DLG2: variants seen among roughly 807,000 people sequenced by gnomAD.
The protein encoded by DLG2 is disks large homolog 2.
A neutral mutation model predicts 132.5 loss-of-function variants in DLG2; 45 were observed. The observed-to-expected ratio is 0.34, with a 90% CI of 0.27 to 0.44. DLG2 has a LOEUF of 0.44. Among genes scored for constraint, DLG2 ranks in the 20% least tolerant of loss-of-function variants. The pLI is 1.00. For synonymous variants in DLG2, 424 were observed against 419.6 expected (o/e 1.01, Z -0.13); for missense variants, 1,045 against 1,196.9 (o/e 0.87, Z 1.87).
At chr11:85,422,674 A>T (rs191840228) in intron 3 of DLG2, among the ~76,000 whole-genome samples, 153 of 152,080 alleles carry the variant, frequency 1.0e-3, no homozygotes, top group African/African-American at 3.5e-3. Context: ...TATTTTTAGT[A>T]GAGATGGGGT....
intron 7 of DLG2, among the ~76,000 whole-genome samples, chr11:84,326,620 G>C (rs936145942): frequency 1.3e-5 from 2 of 152,152 alleles, no homozygotes; most frequent in Non-Finnish European, 2.9e-5. Flanking sequence ...AATTGGTTAA[G>C]AGTTGTTTTG....
At chr11:85,364,370 T>C (rs918047324) in intron 3 of DLG2, among the ~76,000 whole-genome samples, 1 of 152,182 alleles carries the variant, frequency 6.6e-6, no homozygotes, top group Non-Finnish European at 1.5e-5. Context: ...AATCAAGAGA[T>C]ACTCCTTCCC....
chr11:85,437,485 T>G (rs2091551490), intron 3 of DLG2, among the ~76,000 whole-genome samples: 1 of 152,182 alleles, frequency 6.6e-6, no homozygotes, highest in Non-Finnish European at 1.5e-5. Context: ...AAGCATCTAC[T>G]ATGTACCCAG....
intron 16 of DLG2, among the ~76,000 whole-genome samples, chr11:83,855,594 A>T (rs374631720): frequency 6.6e-6 from 1 of 152,244 alleles, no homozygotes; most frequent in Non-Finnish European, 1.5e-5. Flanking sequence ...GTATTATTCC[A>T]ACTATCTGAT....
At chr11:84,734,851 C>T (rs1013326209) in intron 6 of DLG2, among the ~76,000 whole-genome samples, 4 of 152,140 alleles carry the variant, frequency 2.6e-5, no homozygotes, top group African/African-American at 4.8e-5. Flanking sequence ...GCATGAAGGG[C>T]TGTTGAATTT....
intron 3 of DLG2, among the ~76,000 whole-genome samples, chr11:85,430,559 ATATCT>A (rs1403087435): frequency 1.3e-5 from 2 of 152,148 alleles, no homozygotes; most frequent in South Asian, 2.1e-4. Flanking sequence ...GATATTAATG[ATATCT>A]TATGAGCTAA....
chr11:85,582,369 A>G (rs910426657), intron 3 of DLG2, among the ~76,000 whole-genome samples: 2 of 152,116 alleles, frequency 1.3e-5, no homozygotes, highest in Non-Finnish European at 2.9e-5. Context: ...TATGAACAAT[A>G]GTAAGATATA....
chr11:84,820,139 C>G (rs1218821131), intron 6 of DLG2, among the ~76,000 whole-genome samples: 2 of 151,372 alleles, frequency 1.3e-5, no homozygotes, highest in African/African-American at 2.4e-5. Flanking sequence ...GGCCATTATA[C>G]CAAATACTGG....
At chr11:84,687,821 G>A (rs1394111055) in intron 6 of DLG2, among the ~76,000 whole-genome samples, 1 of 152,116 alleles carries the variant, frequency 6.6e-6, no homozygotes, top group Non-Finnish European at 1.5e-5. Flanking sequence ...AATGATGCTA[G>A]TTATTGAGTG....
At chr11:83,813,929 C>A (rs1449003084) in intron 17 of DLG2, among the ~76,000 whole-genome samples, 1 of 152,080 alleles carries the variant, frequency 6.6e-6, no homozygotes, top group African/African-American at 2.4e-5. Context: ...AAAACTGAGG[C>A]ACAGAGAAGT....
At chr11:84,406,588 C>CTCAG (rs1284837806) in intron 7 of DLG2, among the ~76,000 whole-genome samples, 1 of 152,206 alleles carries the variant, frequency 6.6e-6, no homozygotes, top group Non-Finnish European at 1.5e-5. Flanking sequence ...AATCCACTCA[C>CTCAG]CTTGGCTTCC....
chr11:84,911,057 G>A (rs896399248), intron 6 of DLG2, among the ~76,000 whole-genome samples: 3 of 152,104 alleles, frequency 2.0e-5, no homozygotes, highest in Admixed American at 6.5e-5. Context: ...TTAAGCAAAA[G>A]CAATTAGAAT....
chr11:85,421,904 T>A (rs2090343455), intron 3 of DLG2, among the ~76,000 whole-genome samples: 1 of 152,184 alleles, frequency 6.6e-6, no homozygotes, highest in Admixed American at 6.5e-5. Flanking sequence ...CTCTCAGCAT[T>A]TGTTTTTCCG....
At chr11:85,144,043 A>G (rs1463453675) in intron 5 of DLG2, among the ~76,000 whole-genome samples, 3 of 151,834 alleles carry the variant, frequency 2.0e-5, no homozygotes, top group African/African-American at 7.2e-5. Context: ...TCCAGCTAGT[A>G]TTGTATTGTG....
intron 6 of DLG2, among the ~76,000 whole-genome samples, chr11:84,672,266 T>A (rs1363658485): frequency 6.6e-6 from 1 of 152,024 alleles, no homozygotes; most frequent in Non-Finnish European, 1.5e-5. Flanking sequence ...TCAAGAGAGA[T>A]CCAACTCTGC....
chr11:84,823,584 C>CAA (rs1491037046), intron 6 of DLG2, among the ~76,000 whole-genome samples: 2 of 21,572 alleles, frequency 9.3e-5, no homozygotes, highest in South Asian at 1.7e-3. Context: ...TGTATATCCA[C>CAA]ACACACACAC....
intron 6 of DLG2, among the ~76,000 whole-genome samples, chr11:84,596,442 C>G (rs61898990): frequency 6.7e-6 from 1 of 148,624 alleles, no homozygotes; most frequent in Admixed American, 6.8e-5. Flanking sequence ...AGGCTCCTCT[C>G]GAACTTCTGA....
chr11:83,526,178 G>C (rs899846721), intron 21 of DLG2, among the ~76,000 whole-genome samples: 2 of 152,116 alleles, frequency 1.3e-5, no homozygotes, highest in African/African-American at 4.8e-5. Flanking sequence ...CTTTGGAAAA[G>C]GAAATAGAAT....
At chr11:84,392,763 TTTGAAATTA>T (rs2098797037) in intron 7 of DLG2, among the ~76,000 whole-genome samples, 1 of 152,200 alleles carries the variant, frequency 6.6e-6, no homozygotes, top group Admixed American at 6.5e-5. Context: ...TAGTTACACC[TTTGAAATTA>T]TAACGTTTAC....
Sources: gnomAD v4.1 joint callset for allele counts (sites outside exome capture counted in the v4.1 genomes callset) on GRCh38, gnomAD v4.1.1 for gene constraint, MANE v1.5 for transcripts, NCBI Gene and HGNC (gene_info 2026-07-23, HGNC 2026-07-21) for gene names.